Variants in KLF8 observed in about 807,000 individuals in gnomAD.
KLF8 encodes the protein Krueppel-like factor 8.
In KLF8, 10 loss-of-function variants were observed where a neutral mutation model predicts 18.2. That is an observed-to-expected ratio of 0.55 (90% CI 0.34 to 0.93). The LOEUF (loss-of-function observed/expected upper bound fraction) is 0.93. Ranked by LOEUF, KLF8 falls within the 40% of genes least tolerant of loss-of-function variation. The probability of loss-of-function intolerance (pLI) is 0.02; values close to 1 mark genes in which losing one functional copy is unlikely to be tolerated. For missense variants in KLF8, 264 were observed against 277.9 expected (o/e 0.95, Z 0.36); for synonymous variants, 109 against 97.3 (o/e 1.12, Z -0.71).
chrX:56,022,497 C>T, the KLF8 span, among the ~76,000 whole-genome samples: 6 of 95,075 alleles, frequency 6.3e-5, no homozygotes, highest in Admixed American at 1.3e-4. Flanking sequence ...TGCGGTGAGC[C>T]GAGATCGCGC....
intron 1 of KLF8, among the ~76,000 whole-genome samples, chrX:56,241,722 C>T (rs2066547259): frequency 8.9e-6 from 1 of 112,064 alleles, no homozygotes; most frequent in Non-Finnish European, 1.9e-5. Context: ...ATCTAGAATA[C>T]AAGTCTCCCA....
At chrX:56,271,864 A>G (rs1325230203) in intron 5 of KLF8, among the ~76,000 whole-genome samples, 1 of 110,796 alleles carries the variant, frequency 9.0e-6, no homozygotes, top group East Asian at 2.8e-4. Context: ...CTGGAACTCT[A>G]TGGATTGAAT....
the KLF8 span, among the ~76,000 whole-genome samples, chrX:56,135,108 G>A: frequency 9.0e-6 from 1 of 111,634 alleles, no homozygotes; most frequent in African/African-American, 3.3e-5. Flanking sequence ...TGGTGGGACT[G>A]GAAACTAGTT....
the KLF8 span, among the ~76,000 whole-genome samples, chrX:55,964,196 C>T: frequency 9.0e-6 from 1 of 111,584 alleles, no homozygotes; most frequent in Non-Finnish European, 1.9e-5. Context: ...CCTACCATCA[C>T]ACCTAGAGGA....
At chrX:56,038,058 G>A in the KLF8 span, among the ~76,000 whole-genome samples, 13 of 111,222 alleles carry the variant, frequency 1.2e-4, no homozygotes, top group African/African-American at 3.9e-4. Context: ...TTTAGATACT[G>A]CGAATAAATG....
At chrX:56,137,877 G>A in the KLF8 span, among the ~76,000 whole-genome samples, 1 of 108,563 alleles carries the variant, frequency 9.2e-6, no homozygotes, top group Admixed American at 9.9e-5. Context: ...GTGAAATTGA[G>A]ATGTGAAAAA....
At chrX:56,077,079 C>T in the KLF8 span, among the ~76,000 whole-genome samples, 4 of 111,536 alleles carry the variant, frequency 3.6e-5, no homozygotes, top group African/African-American at 6.5e-5. Context: ...AATTTTCTCC[C>T]ATTTTGTAGG....
chrX:55,981,841 A>C, the KLF8 span, among the ~76,000 whole-genome samples: 1 of 111,849 alleles, frequency 8.9e-6, no homozygotes, highest in Non-Finnish European at 1.9e-5. Flanking sequence ...CAGGCAGAAC[A>C]ATACTGTACC....
intron 1 of KLF8, among the ~76,000 whole-genome samples, chrX:56,244,778 CT>C (rs2066600731): frequency 8.9e-6 from 1 of 112,350 alleles, no homozygotes. Flanking sequence ...GTACTGTAGT[CT>C]TTCTCAAAAC....
At chrX:55,927,591 C>A in the KLF8 span, among the ~76,000 whole-genome samples, 2 of 111,831 alleles carry the variant, frequency 1.8e-5, no homozygotes, top group African/African-American at 6.5e-5. Flanking sequence ...AGATGTCAGA[C>A]CTATTAATTT....
the KLF8 span, among the ~76,000 whole-genome samples, chrX:56,077,466 G>T: frequency 9.0e-6 from 1 of 111,281 alleles, no homozygotes; most frequent in East Asian, 2.8e-4. Flanking sequence ...ATGCAGCATT[G>T]TTTCTGAGGG....
chrX:56,083,723 G>T, the KLF8 span, among the ~76,000 whole-genome samples: 2 of 111,544 alleles, frequency 1.8e-5, no homozygotes, highest in Non-Finnish European at 3.8e-5. Flanking sequence ...GAGTATTACT[G>T]CCTGAACTCC....
At chrX:56,014,829 T>TG in the KLF8 span, 84 of 97,605 alleles carry the variant, frequency 8.6e-4, 1 homozygote, top group African/African-American at 2.7e-3. Flanking sequence ...TTTTTTTTTT[T>TG]TTTTTTTTTT....
At chrX:56,042,745 G>A in the KLF8 span, among the ~76,000 whole-genome samples, 1 of 111,449 alleles carries the variant, frequency 9.0e-6, no homozygotes, top group African/African-American at 3.3e-5. Context: ...TTGCCTGAGA[G>A]GGGTCTCTTG....
the KLF8 span, among the ~76,000 whole-genome samples, chrX:56,105,825 C>G: frequency 6.3e-5 from 7 of 111,732 alleles, no homozygotes; most frequent in Non-Finnish European, 1.3e-4. Context: ...ATGGTCTTTA[C>G]AATTTGGCAT....
the KLF8 span, among the ~76,000 whole-genome samples, chrX:55,972,239 G>T: frequency 2.7e-5 from 3 of 111,519 alleles, no homozygotes; most frequent in Non-Finnish European, 5.7e-5. Context: ...GCAATAAAAT[G>T]GATGGAATTG....
At chrX:56,046,447 G>A in the KLF8 span, among the ~76,000 whole-genome samples, 3 of 110,972 alleles carry the variant, frequency 2.7e-5, no homozygotes, top group East Asian at 8.5e-4. Context: ...TATTCATTGT[G>A]CTATTTGTTG....
intron 5 of KLF8, among the ~76,000 whole-genome samples, chrX:56,273,168 T>TA (rs2067078567): frequency 9.0e-6 from 1 of 111,711 alleles, no homozygotes; most frequent in African/African-American, 3.3e-5. Context: ...CAATTATTTT[T>TA]ATTTTATTCT....
chrX:56,075,074 C>T, the KLF8 span, among the ~76,000 whole-genome samples: 4 of 110,430 alleles, frequency 3.6e-5, no homozygotes, highest in African/African-American at 6.5e-5. Context: ...TCCATCCCCA[C>T]GAGCATTTAT....
Sources: gnomAD v4.1 joint callset for allele counts (sites outside exome capture counted in the v4.1 genomes callset) on GRCh38, gnomAD v4.1.1 for gene constraint, MANE v1.5 for transcripts, NCBI Gene and HGNC (gene_info 2026-07-23, HGNC 2026-07-21) for gene names.